The following IGSF21 variants were observed in gnomAD, a reference collection of about 807,000 sequenced individuals.
IGSF21 encodes the protein immunoglobin superfamily member 21, also known as immunoglobulin superfamily member 21.
A neutral mutation model predicts 46.8 loss-of-function variants in IGSF21; 28 were observed. The ratio of observed to expected loss-of-function variants is 0.60; its 90% CI spans 0.44 to 0.82. The LOEUF (loss-of-function observed/expected upper bound fraction) is 0.82. Among genes scored for constraint, IGSF21 ranks in the 40% least tolerant of loss-of-function variants. The probability of loss-of-function intolerance (pLI) is 0.00; values close to 1 mark genes in which losing one functional copy is unlikely to be tolerated. For synonymous variants in IGSF21, 284 were observed against 273.6 expected (o/e 1.04, Z -0.38); for missense variants, 624 against 665.5 (o/e 0.94, Z 0.69).
rs1156273470 is a variant in IGSF21 at position 18,351,317 on chromosome 1, A to T, written c.425-10798A>T. Among the ~76,000 whole-genome samples the T allele has an allele frequency of 3.0e-5, 4 of 134,714 alleles. No individual in the cohort carries two copies. The East Asian group carries it at 9.9e-4, about 33-fold the overall frequency. The allele number at this position is 134,714 out of a possible 152,430, so 88.4% of individuals were successfully genotyped here. Reference sequence around the variant, plus strand: ...ATCTTCATTCTATGGGTGGGGGGGTAGGGGTGGGCAGGAAGCCATCAGTGG... The same window carrying T: ...ATCTTCATTCTATGGGTGGGGGGGTTGGGGTGGGCAGGAAGCCATCAGTGG... On this transcript the variant is annotated intron_variant, in intron 4 of 9. Coordinates refer to ENST00000251296, the MANE Select transcript of IGSF21 (RefSeq NM_032880.5).
intron 1 of IGSF21, among the ~76,000 whole-genome samples, chr1:18,152,730 C>T (rs1302851132): frequency 6.6e-6 from 1 of 152,160 alleles, no homozygotes; most frequent in Admixed American, 6.5e-5. Context: ...CCCTTCTCAT[C>T]ATGCATTGTT....
intron 4 of IGSF21, among the ~76,000 whole-genome samples, chr1:18,357,100 TA>T (rs2086027010): frequency 7.3e-6 from 1 of 136,882 alleles, no homozygotes; most frequent in Admixed American, 7.6e-5. Flanking sequence ...GGGCATGGGG[TA>T]AAGATAAGAA....
intron 1 of IGSF21, among the ~76,000 whole-genome samples, chr1:18,187,793 G>T (rs2086918073): frequency 2.0e-5 from 3 of 152,110 alleles, no homozygotes; most frequent in South Asian, 4.1e-4. Context: ...TTTTCTGGGG[G>T]GGTGGGGGAG....
At chr1:18,309,726 G>A (rs2085463485) in intron 3 of IGSF21, among the ~76,000 whole-genome samples, 1 of 152,204 alleles carries the variant, frequency 6.6e-6, no homozygotes, top group South Asian at 2.1e-4. Flanking sequence ...CAGTGTGGGA[G>A]GCAGCAGTCA....
chr1:18,134,680 A>C (rs1011142372), intron 1 of IGSF21, among the ~76,000 whole-genome samples: 1 of 151,998 alleles, frequency 6.6e-6, no homozygotes, highest in Non-Finnish European at 1.5e-5. Context: ...CACCCACCAC[A>C]AAGACCTGTC....
In IGSF21 at chr1:18,304,459, C is replaced by T. The variant is rs1020971971; in HGVS notation, c.305+12472C>T. Among the ~76,000 whole-genome samples the T allele has an allele frequency of 5.9e-5, 9 of 152,248 alleles. No homozygotes were observed. The South Asian group carries it at 1.5e-3, about 25-fold the overall frequency. ...CCTTCAGACATCACCCAGGCCAATC[C>T]TCTCATTCTCCACCTGAGAAACCAA... On this transcript the variant is annotated intron_variant, in intron 3 of 9. Coordinates refer to ENST00000251296, the MANE Select transcript of IGSF21 (RefSeq NM_032880.5).
intron 2 of IGSF21, among the ~76,000 whole-genome samples, chr1:18,283,252 C>T (rs2085180055): frequency 6.6e-6 from 1 of 152,242 alleles, no homozygotes; most frequent in Non-Finnish European, 1.5e-5. Context: ...GGATCTCCCA[C>T]ACACACCAGG....
Position 18,109,696 on chromosome 1 carries a change from A to G in IGSF21, c.70+1498A>G, listed in dbSNP as rs981199161. 6.6e-6 allele frequency: 1 copy of G among 152,152 alleles called. No individual in the cohort carries two copies. Among genetic ancestry groups the G allele is most frequent in the African/African-American group, 2.4e-5 (1 of 41,418 alleles). 9.4% of individuals were successfully genotyped at this position (152,152 alleles called of 1,614,324 possible). On this transcript the variant is annotated intron_variant, in intron 1 of 9. Coordinates refer to ENST00000251296, the MANE Select transcript of IGSF21 (RefSeq NM_032880.5). This position sits in a 1 kb window ranked among gnomAD's most constrained non-coding sequence, Gnocchi z 4.8. ...TACTTTGTTCCCCTACCCTTGGAAC[A>G]AGAGACTTTCCTAAGTGGATCAAAA...
At chr1:18,198,709 C>G (rs537054322) in intron 1 of IGSF21, among the ~76,000 whole-genome samples, 114 of 152,194 alleles carry the variant, frequency 7.5e-4, no homozygotes, top group Admixed American at 1.2e-3. Context: ...CAGAGTATTG[C>G]AGCAGTTCCA....
At chr1:18,160,958 C>G (rs2086615144) in intron 1 of IGSF21, among the ~76,000 whole-genome samples, 1 of 152,044 alleles carries the variant, frequency 6.6e-6, no homozygotes, top group South Asian at 2.1e-4. Flanking sequence ...ATCCATGTAC[C>G]CCCTGCATCC....
chr1:18,353,280 C>T (rs1222960260), intron 4 of IGSF21, among the ~76,000 whole-genome samples: 3 of 151,674 alleles, frequency 2.0e-5, no homozygotes, highest in Admixed American at 6.6e-5. Flanking sequence ...TCTGTCTCTT[C>T]GGGTCTCTGC....
At chr1:18,114,205 T>A (rs1222412287) in intron 1 of IGSF21, 1 of 152,136 alleles carries the variant, frequency 6.6e-6, no homozygotes, top group Non-Finnish European at 1.5e-5. Context: ...TTGAGTGCAG[T>A]GTGAGACTCA....
intron 1 of IGSF21, among the ~76,000 whole-genome samples, chr1:18,117,434 C>A (rs966915288): frequency 2.0e-5 from 3 of 152,208 alleles, no homozygotes; most frequent in Non-Finnish European, 4.4e-5. Flanking sequence ...GTCTAACCAG[C>A]TTTCAGATTC....
chr1:18,178,845 G>C (rs116652944), intron 1 of IGSF21, among the ~76,000 whole-genome samples: 2,120 of 152,192 alleles, frequency 0.014, 33 homozygotes, highest in Non-Finnish European at 0.022. Flanking sequence ...TTCGGGGAGC[G>C]AGCGCAGGGA....
At chr1:18,291,398 C>T (rs569285225) in intron 2 of IGSF21, among the ~76,000 whole-genome samples, 1 of 152,330 alleles carries the variant, frequency 6.6e-6, no homozygotes, top group Non-Finnish European at 1.5e-5. Flanking sequence ...TTGCCCCTTT[C>T]GATTCATCCT....
intron 3 of IGSF21, among the ~76,000 whole-genome samples, chr1:18,333,078 C>T (rs1037137865): frequency 6.6e-6 from 1 of 152,132 alleles, no homozygotes; most frequent in South Asian, 2.1e-4. Flanking sequence ...TTGAAAGAAC[C>T]TCCATTCTCA....
chr1:18,115,859 AAGAAAG>A (rs2086184149), intron 1 of IGSF21: 1 of 106,832 alleles, frequency 9.4e-6, no homozygotes, highest in Admixed American at 1.0e-4. Flanking sequence ...GAAAGAAAGA[AAGAAAG>A]AAAGAAAGAA....
intron 1 of IGSF21, among the ~76,000 whole-genome samples, chr1:18,206,583 G>T (rs953866053): frequency 6.6e-6 from 1 of 151,940 alleles, no homozygotes; most frequent in Non-Finnish European, 1.5e-5. Context: ...CTAGGAAGAT[G>T]GAACAGTAAG....
intron 2 of IGSF21, among the ~76,000 whole-genome samples, chr1:18,247,267 G>A (rs913414982): frequency 9.2e-5 from 14 of 152,116 alleles, no homozygotes; most frequent in Non-Finnish European, 1.5e-4. Flanking sequence ...GGCCAGCTCT[G>A]TCAGGCTTCT....
Sources: allele counts gnomAD v4.1 joint callset (sites outside exome capture counted in the v4.1 genomes callset), GRCh38; gene constraint gnomAD v4.1.1; non-coding constraint Gnocchi (gnomAD v3.1); transcripts MANE v1.5; gene names NCBI Gene and HGNC (gene_info 2026-07-23, HGNC 2026-07-21).